Variants in SORL1-AS1 observed in about 807,000 individuals in gnomAD.
The protein encoded by SORL1-AS1 is SORL1 antisense RNA 1.
chr11:121,444,461 T>C (rs1177113459), downstream of SORL1-AS1, among the ~76,000 whole-genome samples: 2 of 152,238 alleles, frequency 1.3e-5, no homozygotes, highest in Non-Finnish European at 1.5e-5. Context: ...CCTGAGCAGA[T>C]CCAGCGGGTC....
chr11:121,444,466 C>A (rs748098722), downstream of SORL1-AS1, among the ~76,000 whole-genome samples: 41 of 152,180 alleles, frequency 2.7e-4, no homozygotes, highest in Non-Finnish European at 1.9e-4. Flanking sequence ...GCAGATCCAG[C>A]GGGTCTCTGG....
chr11:121,444,354 C>G (rs1192559916), downstream of SORL1-AS1, among the ~76,000 whole-genome samples: 2 of 152,186 alleles, frequency 1.3e-5, no homozygotes, highest in Non-Finnish European at 2.9e-5. Flanking sequence ...ACTTTCTAAA[C>G]CATTGACATG....
Position 121,450,919 on chromosome 11 carries a change from G to T in SORL1-AS1, n.340-1020C>A, listed in dbSNP as rs143528933. Among the ~76,000 whole-genome samples, 1 of 152,274 alleles carries T rather than the reference G, an allele frequency of 6.6e-6. No homozygotes were observed. The highest frequency in any genetic ancestry group is 1.9e-4 in the East Asian group (1 of 5,178). ...GGCTTCAGGGAGATGAGGCAAGCTG[G>T]CCTGACTCTGGCAGGTTGTCAGTGG... On this transcript the variant is annotated intron_variant and non_coding_transcript_variant, in intron 1 of 1. Transcript: ENST00000501964. The surrounding 1 kb of genome is among the most constrained non-coding windows in gnomAD (Gnocchi z 5.2).
At chr11:121,442,740 G>T (rs1419047844), downstream of SORL1-AS1, among the ~76,000 whole-genome samples, 1 of 148,234 alleles carries the variant, frequency 6.7e-6, no homozygotes, top group South Asian at 2.2e-4. Context: ...GTGCAGTGGC[G>T]TGATCTCGGC....
At chr11:121,439,653 C>T in the SORL1-AS1 span, among the ~76,000 whole-genome samples, 2 of 152,134 alleles carry the variant, frequency 1.3e-5, no homozygotes, top group Non-Finnish European at 2.9e-5. Flanking sequence ...TGAGAGAGCA[C>T]AAATACAGCA....
exon 2 of SORL1-AS1, chr11:121,449,764 A>C (rs1236284909): frequency 1.3e-5 from 2 of 152,196 alleles, no homozygotes; most frequent in Non-Finnish European, 2.9e-5. Context: ...CAGATGAGAA[A>C]ACTGAAGCTC....
At chr11:121,444,594 A>G (rs1043236557), downstream of SORL1-AS1, among the ~76,000 whole-genome samples, 9 of 152,192 alleles carry the variant, frequency 5.9e-5, no homozygotes, top group African/African-American at 1.9e-4. Flanking sequence ...TAGGTGATTA[A>G]ATGATCTGGG....
rs1364490425 is a variant in SORL1-AS1, at chr11:121,452,786, T to C, written n.228A>G. ...TACAACCGTCAGCACTTGAATCGCA[T>C]TGATCTTTCCTTCTTCCTGTCGATT... On this transcript the variant is annotated non_coding_transcript_exon_variant, in exon 1 of 2. Transcript: ENST00000501964. This position sits in a 1 kb window ranked among gnomAD's most constrained non-coding sequence, Gnocchi z 5.3. 9.2e-6 allele frequency: 5 copies of C among 544,328 alleles called. No homozygotes were observed. The highest frequency in any genetic ancestry group is 4.0e-5 in the African/African-American group (2 of 50,260). The allele number at this position is 544,328 out of a possible 1,614,324, so 33.7% of individuals were successfully genotyped here. A position where few individuals can be genotyped will look rare whatever the true frequency, so the allele number is the denominator to read the frequency against.
chr11:121,451,952 G>A (rs1860799246), intron 1 of SORL1-AS1, among the ~76,000 whole-genome samples: 1 of 152,160 alleles, frequency 6.6e-6, no homozygotes, highest in Admixed American at 6.5e-5. Flanking sequence ...GAGAAAACGA[G>A]CGAGCCCCAT....
chr11:121,446,535 G>A (rs1277402446), downstream of SORL1-AS1, among the ~76,000 whole-genome samples: 2 of 152,256 alleles, frequency 1.3e-5, no homozygotes, highest in Non-Finnish European at 2.9e-5. Context: ...CAGATCACCT[G>A]AGGACGGGAG....
downstream of SORL1-AS1, among the ~76,000 whole-genome samples, chr11:121,442,527 C>T (rs1169341536): frequency 6.6e-6 from 1 of 151,610 alleles, no homozygotes; most frequent in Non-Finnish European, 1.5e-5. Flanking sequence ...CCCAGCTACT[C>T]AGGAGGCTGA....
downstream of SORL1-AS1, among the ~76,000 whole-genome samples, chr11:121,443,702 G>A (rs58812745): frequency 0.048 from 7,353 of 152,284 alleles, 210 homozygotes; most frequent in African/African-American, 0.078. Context: ...AGGGAGCTGC[G>A]CTGAGAACAT....
At position 121,452,258 on chromosome 11, in the gene SORL1-AS1, C is replaced by G; in HGVS notation, n.339+417G>C. On this transcript the variant is annotated intron_variant and non_coding_transcript_variant, in intron 1 of 1. Coordinates refer to ENST00000501964, the Ensembl canonical transcript of SORL1-AS1. The surrounding 1 kb of genome is among the most constrained non-coding windows in gnomAD (Gnocchi z 5.3). ...GGGAGCGGCGCGCGCGGTCCCGGCC[C>G]AGCGGCTCTCCTGGCCTCGCGCTGC... The G allele has an allele frequency of 7.9e-7, 1 of 1,266,950 alleles. No homozygotes were observed. Among genetic ancestry groups the G allele is most frequent in the South Asian group, 2.0e-5 (1 of 49,058 alleles). The allele number at this position is 1,266,950 out of a possible 1,614,324, so 78.5% of individuals were successfully genotyped here.
At chr11:121,445,803 T>C (rs1350007714), downstream of SORL1-AS1, among the ~76,000 whole-genome samples, 1 of 152,152 alleles carries the variant, frequency 6.6e-6, no homozygotes, top group Non-Finnish European at 1.5e-5. Context: ...TATTTACATA[T>C]TTCTGCTAGT....
At position 121,452,323 on chromosome 11, in the gene SORL1-AS1, C is replaced by T. The variant is rs769280269; in HGVS notation, n.339+352G>A. The stretch of plus-strand genomic sequence containing the variant: ...CGGCGGCGCCACCTGCAGTAGCGTT[C>T]GCCCGAACATGGCGACACGGAGCAG... On this transcript the variant is annotated intron_variant and non_coding_transcript_variant, in intron 1 of 1. Coordinates refer to ENST00000501964, the Ensembl canonical transcript of SORL1-AS1. The surrounding 1 kb of genome is among the most constrained non-coding windows in gnomAD (Gnocchi z 5.3). 4 of 1,527,544 alleles carry T rather than the reference C, an allele frequency of 2.6e-6. No homozygotes were observed. The highest frequency in any genetic ancestry group is 1.4e-5 in the African/African-American group (1 of 69,566). The allele number at this position is 1,527,544 out of a possible 1,614,324, so 94.6% of individuals were successfully genotyped here.
In SORL1-AS1 at chr11:121,450,995, A is replaced by G. The variant is rs941492131; in HGVS notation, n.340-1096T>C. Among the ~76,000 whole-genome samples the G allele has an allele frequency of 6.6e-6, 1 of 152,056 alleles. No homozygotes were observed. Among genetic ancestry groups the G allele is most frequent in the African/African-American group, 2.4e-5 (1 of 41,412 alleles). On this transcript the variant is annotated intron_variant and non_coding_transcript_variant, in intron 1 of 1. Coordinates refer to ENST00000501964, the Ensembl canonical transcript of SORL1-AS1. The surrounding 1 kb of genome is among the most constrained non-coding windows in gnomAD (Gnocchi z 5.2). Reference sequence around the variant, plus strand: ...TGCTAAGCTACCTGAAAAGTACTAGAGTGGGCCGGGGTAGGAATCGGGCTA... The same window carrying G: ...TGCTAAGCTACCTGAAAAGTACTAGGGTGGGCCGGGGTAGGAATCGGGCTA...
chr11:121,441,071 C>T, the SORL1-AS1 span, among the ~76,000 whole-genome samples: 1 of 152,126 alleles, frequency 6.6e-6, no homozygotes, highest in Non-Finnish European at 1.5e-5. Context: ...AGAAGCGAGT[C>T]CCAGGAACAG....
the SORL1-AS1 span, among the ~76,000 whole-genome samples, chr11:121,438,241 A>T: frequency 1.3e-5 from 2 of 152,226 alleles, no homozygotes; most frequent in African/African-American, 4.8e-5. Flanking sequence ...AGTCTAGCTT[A>T]AATACTTCCA....
At chr11:121,443,191 C>T (rs1414398980), downstream of SORL1-AS1, among the ~76,000 whole-genome samples, 5 of 152,106 alleles carry the variant, frequency 3.3e-5, no homozygotes, top group Admixed American at 6.5e-5. Context: ...TCTCAACATT[C>T]GTTATGCTAA....
Sources: gnomAD v4.1 joint callset for allele counts (sites outside exome capture counted in the v4.1 genomes callset) on GRCh38, gnomAD v4.1.1 for gene constraint, Gnocchi (gnomAD v3.1) non-coding constraint, MANE v1.5 for transcripts, NCBI Gene and HGNC (gene_info 2026-07-23, HGNC 2026-07-21) for gene names.